RBMS1: variants seen among roughly 807,000 people sequenced by gnomAD.
The protein encoded by RBMS1 is RNA binding motif single stranded interacting protein 1.
A neutral mutation model predicts 62.3 loss-of-function variants in RBMS1; 17 were observed. The observed-to-expected ratio is 0.27, with a 90% CI of 0.19 to 0.41. The LOEUF (loss-of-function observed/expected upper bound fraction) is 0.41. RBMS1 is among the 10% of genes least tolerant of loss of function. RBMS1 has a pLI of 1.00. For synonymous variants in RBMS1, 172 were observed against 170.0 expected (o/e 1.01, Z -0.09); for missense variants, 334 against 504.5 (o/e 0.66, Z 3.24).
At chr2:160,451,170 T>TAAATA (rs1559567610) in intron 1 of RBMS1, among the ~76,000 whole-genome samples, 18 of 127,664 alleles carry the variant, frequency 1.4e-4, no homozygotes, top group Non-Finnish European at 5.5e-5. Flanking sequence ...AAAAAAAAAA[T>TAAATA]AAATAAATAA....
intron 9 of RBMS1, 91 bp downstream of exon 9, chr2:160,284,683 TA>T: frequency 9.5e-7 from 1 of 1,058,082 alleles, no homozygotes; most frequent in Non-Finnish European, 1.5e-6. Context: ...TCAAATTTCA[TA>T]AACGCTCAAA....
At chr2:160,454,504 G>A (rs748124430) in intron 1 of RBMS1, among the ~76,000 whole-genome samples, 1 of 152,196 alleles carries the variant, frequency 6.6e-6, no homozygotes, top group Non-Finnish European at 1.5e-5. Flanking sequence ...GGAAGCAACT[G>A]GAACAATGCA....
At chr2:160,483,417 G>C (rs1486833528) in intron 1 of RBMS1, among the ~76,000 whole-genome samples, 1 of 152,026 alleles carries the variant, frequency 6.6e-6, no homozygotes, top group Non-Finnish European at 1.5e-5. Context: ...TTTGTTCAAA[G>C]TATTACATCA....
At chr2:160,439,948 G>C (rs930945560) in intron 1 of RBMS1, among the ~76,000 whole-genome samples, 1 of 151,934 alleles carries the variant, frequency 6.6e-6, no homozygotes, top group African/African-American at 2.4e-5. Flanking sequence ...GCAGGCACTC[G>C]GCAAGCTGAG....
chr2:160,481,649 G>A (rs1482648827), intron 1 of RBMS1, among the ~76,000 whole-genome samples: 1 of 152,150 alleles, frequency 6.6e-6, no homozygotes, highest in Non-Finnish European at 1.5e-5. Flanking sequence ...TGCATGGTAT[G>A]TAAATTATAT....
At chr2:160,336,438 T>A (rs1457955056) in intron 2 of RBMS1, among the ~76,000 whole-genome samples, 2 of 152,074 alleles carry the variant, frequency 1.3e-5, no homozygotes, top group Non-Finnish European at 2.9e-5. Context: ...GGATATTGTA[T>A]CCTGGGAGAC....
chr2:160,292,921 C>T (rs1308428045), intron 6 of RBMS1, among the ~76,000 whole-genome samples: 1 of 152,226 alleles, frequency 6.6e-6, no homozygotes, highest in Non-Finnish European at 1.5e-5. Flanking sequence ...CAAGACCGCC[C>T]TTGCCCCACT....
Position 160,493,098 on chromosome 2 carries a change from C to A in RBMS1, c.75+191G>T, listed in dbSNP as rs1685920835. ...CTTTCTGTAACCCGATCCCCGCACT[C>A]CGCTCCCAGGGAAGCCGCCGCCCCG... is the stretch of plus-strand genomic sequence containing the variant. On this transcript the variant is annotated intron_variant, in intron 1 of 13. Transcript: ENST00000348849. 6 of 564,964 alleles carry A rather than the reference C, an allele frequency of 1.1e-5. No individual in the cohort carries two copies. In the Admixed American group the frequency reaches 2.0e-4, roughly 19 times the overall value. The allele number at this position is 564,964 out of a possible 1,614,324, so 35.0% of individuals were successfully genotyped here.
chr2:160,451,037 T>C (rs549992750), intron 1 of RBMS1, among the ~76,000 whole-genome samples: 38 of 152,216 alleles, frequency 2.5e-4, no homozygotes, highest in Non-Finnish European at 4.6e-4. Context: ...ATGCCTGTTG[T>C]CCCAGCTAGT....
intron 6 of RBMS1, among the ~76,000 whole-genome samples, chr2:160,293,841 A>G (rs960120872): frequency 2.6e-5 from 4 of 152,160 alleles, no homozygotes; most frequent in African/African-American, 9.7e-5. Context: ...AAATCACTGA[A>G]TCATGATCAT....
chr2:160,314,697 T>A (rs942104260), intron 3 of RBMS1, among the ~76,000 whole-genome samples: 1 of 152,140 alleles, frequency 6.6e-6, no homozygotes, highest in South Asian at 2.1e-4. Context: ...TCCTTATATA[T>A]TACTTGGAAT....
intron 2 of RBMS1, among the ~76,000 whole-genome samples, chr2:160,352,173 G>A (rs116696440): frequency 0.014 from 2,158 of 152,232 alleles, 61 homozygotes; most frequent in African/African-American, 0.048. Context: ...CTTAAGAGAA[G>A]TTCTGTTTTT....
rs188528646 is a variant in RBMS1, at chr2:160,451,665, G to A, written c.75+41624C>T. On this transcript the variant is annotated intron_variant, in intron 1 of 13. Coordinates refer to ENST00000348849, the MANE Select transcript of RBMS1 (RefSeq NM_016836.4). ...GCTCTGTCAGTCAGGCTGGAGTGCA[G>A]TGGTGCAATCTCGGCTCACTGCAAC... Among the ~76,000 whole-genome samples the A allele has an allele frequency of 3.0e-3, 449 of 152,182 alleles. 2 individuals are homozygous for A. The highest frequency in any genetic ancestry group is 0.01 in the African/African-American group (433 of 41,514).
intron 2 of RBMS1, among the ~76,000 whole-genome samples, chr2:160,325,704 G>A (rs927088333): frequency 6.6e-6 from 1 of 151,978 alleles, no homozygotes; most frequent in Non-Finnish European, 1.5e-5. Context: ...TGGAGAATGA[G>A]GCCTAAAAAT....
intron 1 of RBMS1, among the ~76,000 whole-genome samples, chr2:160,490,263 G>A (rs545617164): frequency 7.3e-5 from 11 of 150,018 alleles, no homozygotes; most frequent in African/African-American, 2.7e-4. Context: ...TGTGTCAGCT[G>A]ATAAAAAGAA....
At chr2:160,393,642 T>G (rs1694977416) in intron 1 of RBMS1, among the ~76,000 whole-genome samples, 1 of 151,832 alleles carries the variant, frequency 6.6e-6, no homozygotes, top group African/African-American at 2.4e-5. Context: ...CCGGGTGTGG[T>G]GGCACATGTC....
chr2:160,341,293 G>C (rs1691858652), intron 2 of RBMS1, among the ~76,000 whole-genome samples: 1 of 151,938 alleles, frequency 6.6e-6, no homozygotes, highest in African/African-American at 2.4e-5. Context: ...CAATGTTTTG[G>C]TATTACAAAT....
chr2:160,294,558 C>T (rs562434515), intron 6 of RBMS1, among the ~76,000 whole-genome samples: 17 of 152,292 alleles, frequency 1.1e-4, no homozygotes, highest in African/African-American at 3.6e-4. Context: ...AAGAGTGTCA[C>T]AGCTAGGATG....
intron 1 of RBMS1, among the ~76,000 whole-genome samples, chr2:160,450,556 T>TAAAA (rs1553528013): frequency 1.0e-4 from 1 of 9,558 alleles, no homozygotes; most frequent in Non-Finnish European, 2.5e-4. Context: ...AAATAAAAAA[T>TAAAA]AAAAAATGAA....
Sources: allele counts gnomAD v4.1 joint callset (sites outside exome capture counted in the v4.1 genomes callset), GRCh38; gene constraint gnomAD v4.1.1; transcripts MANE v1.5; gene names NCBI Gene and HGNC (gene_info 2026-07-23, HGNC 2026-07-21).